Variants in EYS observed in about 807,000 individuals in gnomAD.
EYS encodes the protein EGF-like photoreceptor maintenance factor.
In EYS, 250 loss-of-function variants were observed where a neutral mutation model predicts 282.1. That is an observed-to-expected ratio of 0.89 (90% CI 0.80 to 0.98). The LOEUF (loss-of-function observed/expected upper bound fraction) is 0.98. Among genes scored for constraint, EYS ranks in the 50% least tolerant of loss-of-function variants. The probability of loss-of-function intolerance (pLI) is 0.00; values close to 1 mark genes in which losing one functional copy is unlikely to be tolerated. For synonymous variants in EYS, 1,355 were observed against 1,282.9 expected (o/e 1.06, Z -1.20); for missense variants, 4,016 against 3,709.0 (o/e 1.08, Z -2.15).
At chr6:64,301,790 C>T (rs529240471) in intron 30 of EYS, among the ~76,000 whole-genome samples, 8 of 152,168 alleles carry the variant, frequency 5.3e-5, no homozygotes, top group Non-Finnish European at 1.2e-4. Flanking sequence ...CCATACCTAA[C>T]GCTTTAACAC....
At chr6:64,805,336 T>C (rs1240667494) in intron 22 of EYS, among the ~76,000 whole-genome samples, 3 of 152,004 alleles carry the variant, frequency 2.0e-5, no homozygotes, top group African/African-American at 4.8e-5. Flanking sequence ...ATCTATTATA[T>C]TGAATGCATA....
intron 22 of EYS, among the ~76,000 whole-genome samples, chr6:64,649,791 A>T (rs767959953): frequency 1.3e-5 from 2 of 152,204 alleles, no homozygotes; most frequent in Non-Finnish European, 2.9e-5. Context: ...TCAGAAAGTG[A>T]TGGAACAGTG....
At chr6:64,467,262 G>A (rs1582790845) in intron 26 of EYS, among the ~76,000 whole-genome samples, 1 of 151,164 alleles carries the variant, frequency 6.6e-6, no homozygotes, top group South Asian at 2.1e-4. Flanking sequence ...CAAAAATTTT[G>A]CAGTCTGAAA....
At chr6:64,195,838 G>A (rs1765271256) in intron 31 of EYS, among the ~76,000 whole-genome samples, 1 of 151,978 alleles carries the variant, frequency 6.6e-6, no homozygotes, top group African/African-American at 2.4e-5. Context: ...GATAATTGAG[G>A]ACTTCATGTC....
chr6:64,103,805 A>G (rs943252792), intron 31 of EYS, among the ~76,000 whole-genome samples: 1 of 152,184 alleles, frequency 6.6e-6, no homozygotes, highest in Admixed American at 6.5e-5. Flanking sequence ...ACAATAGTAC[A>G]GGTGAGAGGA....
At position 65,071,716 on chromosome 6, in the gene EYS, G is replaced by A. The variant is rs150309571; in HGVS notation, c.2024-13989C>T. Among the ~76,000 whole-genome samples, 71 of 151,942 alleles carry A rather than the reference G, an allele frequency of 4.7e-4. No homozygotes were observed. In the East Asian group the frequency reaches 0.012, roughly 26 times the overall value. ...CTGAAGACAAGATAATTCTTAAATA[G>A]ATGTGAAGTATTCCCTAGAAAGCAT... On this transcript the variant is annotated intron_variant, in intron 12 of 42. Transcript: ENST00000503581.
Position 63,984,622 on chromosome 6 carries a change from C to T in EYS, c.6835-19G>A, listed in dbSNP as rs528900765. On this transcript the variant is annotated intron_variant, in intron 34 of 42. Coordinates refer to ENST00000503581, the MANE Select transcript of EYS (RefSeq NM_001142800.2). ...AATATGCCTGTAGAAAAAGTAACAA[C>T]AAAAAATATTATAGGTTGTTGTCAG... 43 of 1,473,114 alleles carry T rather than the reference C, an allele frequency of 2.9e-5. No homozygotes were observed. The East Asian group carries it at 6.7e-4, about 23-fold the overall frequency. 91.3% of individuals were successfully genotyped at this position (1,473,114 alleles called of 1,614,324 possible).
At chr6:65,512,803 A>C (rs985196450) in intron 2 of EYS, among the ~76,000 whole-genome samples, 3 of 152,158 alleles carry the variant, frequency 2.0e-5, no homozygotes, top group African/African-American at 7.2e-5. Context: ...TGTAGAGGGA[A>C]ATTTATAGCA....
chr6:65,109,653 T>C (rs1775151153), intron 12 of EYS, among the ~76,000 whole-genome samples: 1 of 122,236 alleles, frequency 8.2e-6, no homozygotes, highest in African/African-American at 3.0e-5. Context: ...TACAACTCCT[T>C]ACATAAAAAA....
chr6:63,739,814 C>A lies in EYS; in HGVS notation c.8072-13134G>T, dbSNP rs192584276. Among the ~76,000 whole-genome samples, 639 of 151,940 alleles carry A rather than the reference C, an allele frequency of 4.2e-3. 6 individuals are homozygous for A. The highest frequency in any genetic ancestry group is 0.015 in the African/African-American group (613 of 41,430). On this transcript the variant is annotated intron_variant, in intron 41 of 42. Transcript: ENST00000503581. ...GTTCAAGCAATTCTCCTGCCTCAGC[C>A]TCCTGAGTAGCTGGGATTACAGGTG...
intron 26 of EYS, among the ~76,000 whole-genome samples, chr6:64,575,386 A>G (rs1675061593): frequency 6.6e-6 from 1 of 152,152 alleles, no homozygotes; most frequent in Non-Finnish European, 1.5e-5. Context: ...TTGAAAACAT[A>G]GAAAGGAGGG....
chr6:65,638,435 G>C (rs1015814459), intron 2 of EYS, among the ~76,000 whole-genome samples: 1 of 152,200 alleles, frequency 6.6e-6, no homozygotes, highest in African/African-American at 2.4e-5. Flanking sequence ...GCGATGAAAA[G>C]GAGAGAAGAG....
At position 64,600,066 on chromosome 6, in the gene EYS, C is replaced by T. The variant is rs192168912; in HGVS notation, c.3685-6757G>A. ...TGAAGATAAAATGTTGTGGCTTATCCTTATTTTCTACAAGAAATAAGGAGT... is the reference window on the plus strand; with the variant it reads ...TGAAGATAAAATGTTGTGGCTTATCTTTATTTTCTACAAGAAATAAGGAGT... On this transcript the variant is annotated intron_variant, in intron 24 of 42. Coordinates refer to ENST00000503581, the MANE Select transcript of EYS (RefSeq NM_001142800.2). Among the ~76,000 whole-genome samples the T allele has an allele frequency of 9.8e-4, 149 of 152,162 alleles. 1 individual carries two copies. The highest frequency in any genetic ancestry group is 3.5e-3 in the African/African-American group (146 of 41,546).
At chr6:65,068,694 C>T (rs1007265809) in intron 12 of EYS, among the ~76,000 whole-genome samples, 4 of 151,892 alleles carry the variant, frequency 2.6e-5, no homozygotes, top group African/African-American at 7.3e-5. Context: ...CCTCTGGCTT[C>T]AAGAAGGCTT....
At chr6:65,591,675 CTCTG>C (rs999912456) in intron 2 of EYS, among the ~76,000 whole-genome samples, 8 of 151,878 alleles carry the variant, frequency 5.3e-5, no homozygotes, top group Non-Finnish European at 1.0e-4. Context: ...TCACCATTCT[CTCTG>C]TCTGGAATAA....
At chr6:64,321,787 A>T (rs536449688) in intron 29 of EYS, among the ~76,000 whole-genome samples, 3 of 151,892 alleles carry the variant, frequency 2.0e-5, no homozygotes, top group Non-Finnish European at 2.9e-5. Flanking sequence ...TTGGATGGTA[A>T]TTATTTGTTG....
At chr6:64,383,587 A>T (rs1461654374) in intron 29 of EYS, among the ~76,000 whole-genome samples, 1 of 152,204 alleles carries the variant, frequency 6.6e-6, no homozygotes, top group East Asian at 1.9e-4. Flanking sequence ...TGAAACCTTG[A>T]TGTCTCTATT....
intron 28 of EYS, among the ~76,000 whole-genome samples, chr6:64,414,296 T>G (rs1773997274): frequency 6.6e-6 from 1 of 152,174 alleles, no homozygotes; most frequent in Non-Finnish European, 1.5e-5. Context: ...AATGGAGCCA[T>G]GCCTTCAAAA....
chr6:65,561,478 C>T (rs1236703362), intron 2 of EYS, among the ~76,000 whole-genome samples: 1 of 152,106 alleles, frequency 6.6e-6, no homozygotes, highest in Non-Finnish European at 1.5e-5. Context: ...CCCTCATTAT[C>T]TCTTACATTT....
Sources: gnomAD v4.1 joint callset for allele counts (sites outside exome capture counted in the v4.1 genomes callset) on GRCh38, gnomAD v4.1.1 for gene constraint, MANE v1.5 for transcripts, NCBI Gene and HGNC (gene_info 2026-07-23, HGNC 2026-07-21) for gene names.